The following SLC30A8 variants were observed in gnomAD, a reference collection of about 807,000 sequenced individuals.
The protein encoded by SLC30A8 is solute carrier family 30 member 8, also known as proton-coupled zinc antiporter SLC30A8.
In SLC30A8, 27 loss-of-function variants were observed where a neutral mutation model predicts 36.9. That is an observed-to-expected ratio of 0.73 (90% CI 0.54 to 1.01). The LOEUF is 1.01. SLC30A8 is among the 50% of genes least tolerant of loss of function. SLC30A8 has a pLI of 0.00. For synonymous variants in SLC30A8, 164 were observed against 172.4 expected (o/e 0.95, Z 0.38); for missense variants, 439 against 452.0 (o/e 0.97, Z 0.26).
chr8:117,097,618 A>AAAT (rs1297547595), intron 2 of SLC30A8, among the ~76,000 whole-genome samples: 1 of 95,230 alleles, frequency 1.1e-5, no homozygotes, highest in African/African-American at 5.0e-5. Context: ...AATTTTAAAT[A>AAAT]ATATATATTA....
intron 2 of SLC30A8, among the ~76,000 whole-genome samples, chr8:117,053,749 G>T (rs1485352713): frequency 6.6e-6 from 1 of 152,186 alleles, no homozygotes; most frequent in East Asian, 1.9e-4. Context: ...GCATACAGCA[G>T]GGACTTAATG....
At chr8:117,092,683 C>T (rs1259627572) in intron 2 of SLC30A8, among the ~76,000 whole-genome samples, 2 of 152,170 alleles carry the variant, frequency 1.3e-5, no homozygotes, top group Non-Finnish European at 2.9e-5. Context: ...AGAAACAGAG[C>T]TGGGGAGGCA....
chr8:116,980,326 C>A (rs1246790331), intron 1 of SLC30A8, among the ~76,000 whole-genome samples: 1 of 152,062 alleles, frequency 6.6e-6, no homozygotes, highest in Non-Finnish European at 1.5e-5. Context: ...TCCAGGTGAT[C>A]TGTAGGGAGA....
chr8:117,014,963 C>T (rs58285643), intron 1 of SLC30A8, among the ~76,000 whole-genome samples: 1,551 of 151,594 alleles, frequency 0.01, 23 homozygotes, highest in African/African-American at 0.034. Context: ...GGACCTAGAC[C>T]GAACCCCTGG....
chr8:117,078,838 C>A (rs1463028674), intron 2 of SLC30A8, among the ~76,000 whole-genome samples: 2 of 152,084 alleles, frequency 1.3e-5, no homozygotes, highest in East Asian at 1.9e-4. Context: ...TAGGTGCATG[C>A]CGCCACACCT....
intron 1 of SLC30A8, among the ~76,000 whole-genome samples, chr8:116,959,749 T>G (rs1368775525): frequency 6.6e-6 from 1 of 152,190 alleles, no homozygotes; most frequent in Non-Finnish European, 1.5e-5. Context: ...TTATAAAAAT[T>G]TCCACTATGG....
At chr8:117,052,655 T>A (rs909244388) in intron 2 of SLC30A8, among the ~76,000 whole-genome samples, 1 of 152,108 alleles carries the variant, frequency 6.6e-6, no homozygotes, top group African/African-American at 2.4e-5. Flanking sequence ...TATTATAGAG[T>A]TGTGGTTCAG....
intron 2 of SLC30A8, among the ~76,000 whole-genome samples, chr8:117,151,108 T>C (rs1586591758): frequency 6.6e-6 from 1 of 152,184 alleles, no homozygotes; most frequent in African/African-American, 2.4e-5. Context: ...CGAAAAGTTC[T>C]ATGTTCTTTC....
chr8:117,008,982 G>A (rs1786166042), intron 1 of SLC30A8, among the ~76,000 whole-genome samples: 1 of 152,198 alleles, frequency 6.6e-6, no homozygotes, highest in African/African-American at 2.4e-5. Context: ...CCCCAGTAAA[G>A]ATGGAATAAT....
At chr8:117,142,381 A>T (rs1453147658) in intron 1 of SLC30A8, among the ~76,000 whole-genome samples, 1 of 152,150 alleles carries the variant, frequency 6.6e-6, no homozygotes, top group Non-Finnish European at 1.5e-5. Context: ...ACCCAAAGTG[A>T]TCATTTTAGA....
intron 1 of SLC30A8, among the ~76,000 whole-genome samples, chr8:117,143,133 A>G (rs1821734175): frequency 6.6e-6 from 1 of 152,180 alleles, no homozygotes; most frequent in South Asian, 2.1e-4. Flanking sequence ...TATTTTGGAG[A>G]TAGAAGCAAA....
rs552961462 is a variant in SLC30A8, at chr8:117,117,625, C to T, written c.-225-17655C>T. Among the ~76,000 whole-genome samples, 7 of 152,040 alleles carry T rather than the reference C, an allele frequency of 4.6e-5. No homozygotes were observed. In the South Asian group the frequency reaches 1.2e-3, roughly 27 times the overall value. ...ATGTAATTTATATTGTAATGTTTTACACTGCTTTATGTACAGATGTCAGGA... is the reference window on the plus strand; with the variant it reads ...ATGTAATTTATATTGTAATGTTTTATACTGCTTTATGTACAGATGTCAGGA... On this transcript the variant is annotated intron_variant, in intron 2 of 10. Transcript: ENST00000427715.
chr8:116,950,497 T>C (rs996970807), upstream of SLC30A8: 1 of 152,244 alleles, frequency 6.6e-6, no homozygotes, highest in African/African-American at 2.4e-5. Context: ...CCATTTTGTT[T>C]TTTGGCAACT....
At chr8:117,097,351 C>T (rs1416655210) in intron 2 of SLC30A8, among the ~76,000 whole-genome samples, 16 of 122,746 alleles carry the variant, frequency 1.3e-4, no homozygotes, top group South Asian at 4.9e-4. Flanking sequence ...GAGCCGAGAT[C>T]GCGCCACTGC....
chr8:117,134,727 T>G (rs1168883687), upstream of SLC30A8: 4 of 152,054 alleles, frequency 2.6e-5, no homozygotes, highest in Non-Finnish European at 5.9e-5. Context: ...GTTTTCAGAT[T>G]ACTGGTTTCA....
chr8:117,007,068 A>AGT (rs1207910678), intron 1 of SLC30A8: 2 of 143,592 alleles, frequency 1.4e-5, no homozygotes, highest in Admixed American at 7.5e-5. Flanking sequence ...GGCCTCCCAA[A>AGT]GTGCTGGGTT....
rs76770669 is a variant in SLC30A8 at position 117,141,185 on chromosome 8, A to G, written c.72-5769A>G. On this transcript the variant is annotated intron_variant, in intron 1 of 7. Coordinates refer to ENST00000456015, the MANE Select transcript of SLC30A8 (RefSeq NM_173851.3). ...CTTCCCAACTCATTTTATGAGGTCA[A>G]TATTCTGCTGATAGCAAAAAAGGAG... Among the ~76,000 whole-genome samples the G allele has an allele frequency of 3.5e-3, 526 of 152,274 alleles. 9 individuals are homozygous for G. The East Asian group carries it at 0.062, about 18-fold the overall frequency.
chr8:117,149,732 A>C (rs1356065761), intron 2 of SLC30A8, among the ~76,000 whole-genome samples: 1 of 152,342 alleles, frequency 6.6e-6, no homozygotes, highest in South Asian at 2.1e-4. Context: ...GCACTTTCAT[A>C]CTGTGTCTTT....
chr8:116,978,365 A>G (rs544742172), intron 1 of SLC30A8, among the ~76,000 whole-genome samples: 2 of 152,274 alleles, frequency 1.3e-5, no homozygotes, highest in African/African-American at 4.8e-5. Flanking sequence ...TTTGGATACC[A>G]TTTGCATCAT....
Sources: allele counts gnomAD v4.1 joint callset (sites outside exome capture counted in the v4.1 genomes callset), GRCh38; gene constraint gnomAD v4.1.1; transcripts MANE v1.5; gene names NCBI Gene and HGNC (gene_info 2026-07-23, HGNC 2026-07-21).